CCL17: variants seen among roughly 807,000 people sequenced by gnomAD.
The protein encoded by CCL17 is C-C motif chemokine 17.
Under a neutral mutation model 7.4 loss-of-function variants are expected in CCL17, and 8 were observed. The ratio of observed to expected loss-of-function variants is 1.09; its 90% CI spans 0.64 to 1.96. CCL17 has a LOEUF of 1.96. Among genes scored for constraint, CCL17 ranks in the 30% most tolerant of loss-of-function variants. The pLI is 0.00. For missense variants in CCL17, 102 were observed against 113.0 expected (o/e 0.90, Z 0.44); for synonymous variants, 40 against 46.1 (o/e 0.87, Z 0.54).
intron 1 of CCL17, among the ~76,000 whole-genome samples, chr16:57,406,864 G>GCCT (rs1902703760): frequency 6.6e-6 from 1 of 152,148 alleles, no homozygotes; most frequent in African/African-American, 2.4e-5. Context: ...GGGACTCAGG[G>GCCT]CTGTAGGTAA....
the CCL17 span, among the ~76,000 whole-genome samples, chr16:57,398,083 C>T: frequency 3.9e-5 from 6 of 152,122 alleles, no homozygotes; most frequent in East Asian, 1.9e-4. Context: ...TTTGAAGCAC[C>T]GGTCCCTCAA....
At chr16:57,404,243 C>T (rs565906015), upstream of CCL17, among the ~76,000 whole-genome samples, 28 of 152,222 alleles carry the variant, frequency 1.8e-4, no homozygotes, top group East Asian at 2.1e-3. Flanking sequence ...GTTCTGAACA[C>T]GGGAGATTCA....
At chr16:57,405,767 C>T (rs895451709) in intron 1 of CCL17, among the ~76,000 whole-genome samples, 12 of 152,118 alleles carry the variant, frequency 7.9e-5, no homozygotes, top group Non-Finnish European at 1.8e-4. Flanking sequence ...GGTGCGGTGG[C>T]TCACGCCTGT....
Position 57,414,009 on chromosome 16 carries a change from GCAGGGGACAGGTGGC to G in CCL17, c.70+14_70+28del. The G allele has an allele frequency of 6.2e-7, 1 of 1,609,652 alleles. No individual in the cohort carries two copies. The highest frequency in any genetic ancestry group is 8.5e-7 in the Non-Finnish European group (1 of 1,177,928). The stretch of plus-strand genomic sequence containing the variant: ...CTGCAGCACATCCACGCAGGTGAGA[GCAGGGGACAGGTGGC>G]CAGGGGCAGGCACCGGGAGGACAGG... On this transcript the variant is annotated splice_region_variant and intron_variant, in intron 2 of 3. Transcript: ENST00000219244.
intron 2 of CCL17, among the ~76,000 whole-genome samples, chr16:57,414,410 CTTTTTTTTTTTT>C (rs71152269): frequency 6.6e-5 from 5 of 75,966 alleles, no homozygotes; most frequent in Middle Eastern, 0.014. Flanking sequence ...AAAAAGGATT[CTTTTTTTTTTTT>C]TTTTTTTTTT....
intron 1 of CCL17, among the ~76,000 whole-genome samples, chr16:57,406,342 G>A (rs1902695954): frequency 6.6e-6 from 1 of 152,082 alleles, no homozygotes; most frequent in African/African-American, 2.4e-5. Context: ...TGTTGCCCAG[G>A]CTGGTCTCAG....
chr16:57,406,506 A>G (rs934091469), intron 1 of CCL17, among the ~76,000 whole-genome samples: 1 of 152,124 alleles, frequency 6.6e-6, no homozygotes, highest in Non-Finnish European at 1.5e-5. Flanking sequence ...GGACAAAGTA[A>G]ACTAATAGAC....
At chr16:57,411,429 C>T (rs1364600590) in intron 1 of CCL17, among the ~76,000 whole-genome samples, 4 of 152,246 alleles carry the variant, frequency 2.6e-5, no homozygotes, top group African/African-American at 9.6e-5. Flanking sequence ...TTCCCCAGAA[C>T]AAACAGGGGA....
chr16:57,414,155 A>G (rs550013259), intron 2 of CCL17, among the ~76,000 whole-genome samples, 153 bp downstream of exon 2: 1 of 152,108 alleles, frequency 6.6e-6, no homozygotes, highest in Non-Finnish European at 1.5e-5. Context: ...TAGGATTTTG[A>G]GGGAAACAAG....
At chr16:57,400,370 T>C (rs901432541), upstream of CCL17, among the ~76,000 whole-genome samples, 4 of 151,540 alleles carry the variant, frequency 2.6e-5, no homozygotes, top group African/African-American at 4.9e-5. Flanking sequence ...AAAAAAAAAT[T>C]ATAAAATATA....
intron 2 of CCL17, 142 bp from the exon 3 acceptor site, chr16:57,414,939 G>C: frequency 1.4e-6 from 1 of 693,384 alleles, no homozygotes; most frequent in Non-Finnish European, 2.7e-6. Context: ...CATACACATA[G>C]GCAGTGATAC....
chr16:57,415,762 TA>T lies in CCL17; in HGVS notation c.189-2del. 6.2e-7 allele frequency: 1 copy of T among 1,602,066 alleles called. No individual in the cohort carries two copies. ...CTCCTGGTAACGTCCTCCTTCTGTG[TA>T]GTTTTGTAACTGTGCAGGGCAGGGC... On this transcript the variant is annotated splice_acceptor_variant, in intron 3 of 3. Coordinates refer to ENST00000219244, the MANE Select transcript of CCL17 (RefSeq NM_002987.3). LOFTEE classifies it high-confidence loss of function. This position sits in a 1 kb window ranked among gnomAD's most constrained non-coding sequence, Gnocchi z 4.5.
chr16:57,410,185 C>A (rs761882229), intron 1 of CCL17, among the ~76,000 whole-genome samples: 9 of 152,188 alleles, frequency 5.9e-5, no homozygotes, highest in Non-Finnish European at 1.0e-4. Flanking sequence ...GGCTTCTCCA[C>A]GAGCCTGGGC....
the CCL17 span, among the ~76,000 whole-genome samples, chr16:57,396,298 T>C: frequency 6.6e-6 from 1 of 152,128 alleles, no homozygotes; most frequent in Non-Finnish European, 1.5e-5. Context: ...GAGGCAGATA[T>C]AGGTTGAAGT....
chr16:57,399,505 C>T, the CCL17 span, among the ~76,000 whole-genome samples: 1 of 150,970 alleles, frequency 6.6e-6, no homozygotes, highest in African/African-American at 2.5e-5. Flanking sequence ...GGCTGGAGTG[C>T]AAAGGTGGGA....
chr16:57,410,842 C>T (rs1292400029), intron 1 of CCL17, among the ~76,000 whole-genome samples: 1 of 152,208 alleles, frequency 6.6e-6, no homozygotes, highest in African/African-American at 2.4e-5. Flanking sequence ...TGTGTTTACT[C>T]GGTCAGGTGA....
upstream of CCL17, among the ~76,000 whole-genome samples, chr16:57,400,279 A>T (rs1227213541): frequency 6.6e-6 from 1 of 152,140 alleles, no homozygotes; most frequent in African/African-American, 2.4e-5. Flanking sequence ...GAATGGCGTG[A>T]ACCCGAGAGG....
At chr16:57,402,679 C>T (rs927723185), upstream of CCL17, among the ~76,000 whole-genome samples, 17 of 152,090 alleles carry the variant, frequency 1.1e-4, no homozygotes, top group Admixed American at 6.6e-4. Flanking sequence ...CACTCATTTA[C>T]AAGGCTTGAG....
intron 1 of CCL17, among the ~76,000 whole-genome samples, chr16:57,412,362 C>A (rs1328472544): frequency 6.6e-6 from 1 of 152,186 alleles, no homozygotes; most frequent in Non-Finnish European, 1.5e-5. Flanking sequence ...AGTCGAGGGT[C>A]TTTGTCTGGT....
Sources: gnomAD v4.1 joint callset for allele counts (sites outside exome capture counted in the v4.1 genomes callset) on GRCh38, gnomAD v4.1.1 for gene constraint, Gnocchi (gnomAD v3.1) non-coding constraint, MANE v1.5 for transcripts, NCBI Gene and HGNC (gene_info 2026-07-23, HGNC 2026-07-21) for gene names.